The following STK32B variants were observed in gnomAD, a reference collection of about 807,000 sequenced individuals.
The protein encoded by STK32B is serine/threonine-protein kinase 32B.
A neutral mutation model predicts 52.6 loss-of-function variants in STK32B; 43 were observed. That is an observed-to-expected ratio of 0.82 (90% CI 0.64 to 1.05). The LOEUF (loss-of-function observed/expected upper bound fraction) is 1.05. STK32B is among the 50% of genes least tolerant of loss of function. The pLI is 0.00. For synonymous variants in STK32B, 238 were observed against 204.3 expected (o/e 1.17, Z -1.41); for missense variants, 621 against 534.6 (o/e 1.16, Z -1.59).
intron 11 of STK32B, among the ~76,000 whole-genome samples, chr4:5,497,475 G>A (rs576826753): frequency 3.3e-5 from 5 of 152,320 alleles, no homozygotes; most frequent in African/African-American, 1.2e-4. Context: ...AGTCCACTAG[G>A]ATGATGCATT....
chr4:5,316,192 T>G (rs111305615), intron 3 of STK32B, among the ~76,000 whole-genome samples: 1 of 81,192 alleles, frequency 1.2e-5, no homozygotes, highest in Non-Finnish European at 1.9e-5. Flanking sequence ...AATATATATA[T>G]TTAGATATAT....
chr4:5,187,396 T>A (rs930755892), intron 3 of STK32B, among the ~76,000 whole-genome samples: 4 of 152,222 alleles, frequency 2.6e-5, no homozygotes, highest in African/African-American at 9.6e-5. Context: ...CATGGCTCTT[T>A]GCATATTTTA....
intron 3 of STK32B, among the ~76,000 whole-genome samples, chr4:5,329,742 G>T (rs866976132): frequency 6.6e-6 from 1 of 152,164 alleles, no homozygotes; most frequent in Non-Finnish European, 1.5e-5. Flanking sequence ...ATCTGGGGAC[G>T]CAATAAACAG....
intron 2 of STK32B, among the ~76,000 whole-genome samples, chr4:5,145,273 T>C (rs1716821979): frequency 6.6e-6 from 1 of 152,240 alleles, no homozygotes; most frequent in African/African-American, 2.4e-5. Flanking sequence ...CATCTTATTT[T>C]TTGATGCATT....
intron 3 of STK32B, among the ~76,000 whole-genome samples, chr4:5,241,753 T>A (rs1167944568): frequency 2.6e-5 from 4 of 152,006 alleles, no homozygotes; most frequent in African/African-American, 9.7e-5. Context: ...CAGTCCCTGG[T>A]GTGTGATGTT....
At chr4:5,296,800 G>A (rs188798790) in intron 3 of STK32B, among the ~76,000 whole-genome samples, 19 of 152,274 alleles carry the variant, frequency 1.2e-4, no homozygotes, top group Admixed American at 1.2e-3. Flanking sequence ...ATTTGATCCT[G>A]TCATTATGAT....
intron 6 of STK32B, among the ~76,000 whole-genome samples, chr4:5,428,753 T>A (rs1159723194): frequency 6.6e-6 from 1 of 152,220 alleles, no homozygotes; most frequent in Non-Finnish European, 1.5e-5. Flanking sequence ...GTGTTGGAAT[T>A]CCCAGCTATG....
chr4:5,159,751 G>GTATATGAATATATATATGAA (rs1718276919), intron 2 of STK32B, among the ~76,000 whole-genome samples: 1 of 125,046 alleles, frequency 8.0e-6, no homozygotes, highest in Non-Finnish European at 1.6e-5. Flanking sequence ...ATATATGAAT[G>GTATATGAATATATATATGAA]TATATGAATA....
intron 3 of STK32B, among the ~76,000 whole-genome samples, chr4:5,289,296 C>T (rs964267789): frequency 4.6e-5 from 7 of 152,064 alleles, no homozygotes; most frequent in Admixed American, 1.3e-4. Flanking sequence ...AAGTTACTTA[C>T]CGTGAATGGA....
intron 3 of STK32B, among the ~76,000 whole-genome samples, chr4:5,195,898 G>C (rs1721611100): frequency 6.6e-6 from 1 of 152,182 alleles, no homozygotes; most frequent in Non-Finnish European, 1.5e-5. Context: ...GTTATGACCA[G>C]TGTAAGTAAA....
At chr4:5,374,399 C>T (rs1270494360) in intron 4 of STK32B, among the ~76,000 whole-genome samples, 2 of 152,248 alleles carry the variant, frequency 1.3e-5, no homozygotes, top group Non-Finnish European at 2.9e-5. Context: ...CACATCAGTC[C>T]CTTAAAGAGG....
intron 1 of STK32B, among the ~76,000 whole-genome samples, chr4:5,069,295 A>G (rs112197989): frequency 6.0e-5 from 9 of 150,736 alleles, no homozygotes; most frequent in African/African-American, 1.9e-4. Context: ...CAGGTTCACA[A>G]TGGCAGGTTC....
At chr4:5,358,588 C>T (rs1734326789) in intron 4 of STK32B, among the ~76,000 whole-genome samples, 3 of 152,102 alleles carry the variant, frequency 2.0e-5, no homozygotes, top group Admixed American at 2.0e-4. Context: ...AAAAAACCCT[C>T]TACCCTTGAG....
At chr4:5,264,308 T>A (rs184028382) in intron 3 of STK32B, among the ~76,000 whole-genome samples, 25 of 152,320 alleles carry the variant, frequency 1.6e-4, no homozygotes, top group Admixed American at 1.4e-3. Context: ...TTTGCAGTTG[T>A]TAGTTTTCTT....
intron 11 of STK32B, among the ~76,000 whole-genome samples, chr4:5,494,535 C>T (rs1297107474): frequency 2.2e-4 from 33 of 152,066 alleles, no homozygotes; most frequent in Admixed American, 2.2e-3. Context: ...ATCCAGTTTG[C>T]CAGTCTGTGT....
chr4:5,331,438 G>T (rs374534483), intron 4 of STK32B, 45 bp downstream of exon 4: 211 of 1,569,436 alleles, frequency 1.3e-4, no homozygotes, highest in Middle Eastern at 1.7e-4. Context: ...GGGACCATGG[G>T]CTAGGGTGTC....
chr4:5,441,215 G>T (rs1467822167), intron 6 of STK32B, among the ~76,000 whole-genome samples: 1 of 151,342 alleles, frequency 6.6e-6, no homozygotes, highest in Non-Finnish European at 1.5e-5. Flanking sequence ...GTAGAATTTG[G>T]CTGTGAATCC....
At chr4:5,032,721 C>T in the STK32B span, among the ~76,000 whole-genome samples, 1 of 152,074 alleles carries the variant, frequency 6.6e-6, no homozygotes, top group African/African-American at 2.4e-5. Context: ...GTACAACCAT[C>T]ACCACCATCT....
intron 7 of STK32B, among the ~76,000 whole-genome samples, chr4:5,448,877 A>G (rs1247933666): frequency 1.3e-5 from 2 of 152,196 alleles, no homozygotes; most frequent in South Asian, 2.1e-4. Context: ...TCTGTTTTTC[A>G]TACTGGAAAC....
Sources: gnomAD v4.1 joint callset for allele counts (sites outside exome capture counted in the v4.1 genomes callset) on GRCh38, gnomAD v4.1.1 for gene constraint, MANE v1.5 for transcripts, NCBI Gene and HGNC (gene_info 2026-07-23, HGNC 2026-07-21) for gene names.